The following KLHL24 variants were observed in gnomAD, a reference collection of about 807,000 sequenced individuals.
The protein encoded by KLHL24 is kelch like family member 24, also known as kelch-like protein 24.
KLHL24 carries 29 observed loss-of-function variants against 53.4 expected under a neutral mutation model. The observed-to-expected ratio is 0.54, with a 90% confidence interval of 0.40 to 0.74. The LOEUF is 0.74. Among genes scored for constraint, KLHL24 ranks in the 30% least tolerant of loss-of-function variants. The pLI, the probability that KLHL24 is intolerant of heterozygous loss-of-function variation, is 0.00. For synonymous variants in KLHL24, 222 were observed against 253.7 expected (o/e 0.88, Z 1.19); for missense variants, 504 against 744.0 (o/e 0.68, Z 3.75).
chr3:183,650,366 A>G lies in KLHL24; in HGVS notation c.10A>G (p.Ile4Val). ...GTCAACTGATGTAACAATGGTACTAATATTGGGACGCAGACTAAACAGAGA... is the reference window on the plus strand; with the variant it reads ...GTCAACTGATGTAACAATGGTACTAGTATTGGGACGCAGACTAAACAGAGA... Reference protein sequence around the residue: MVLILGRRLNREDL... With the variant: MVLVLGRRLNREDL... The change falls in exon 3 of 8, where the codon ATA becomes GTA. Residue 4 changes from isoleucine (I) to valine (V), a missense_variant. Coordinates refer to ENST00000242810, the MANE Select transcript of KLHL24 (RefSeq NM_017644.3). The surrounding 1 kb of genome is among the most constrained non-coding windows in gnomAD (Gnocchi z 4.5). The G allele has an allele frequency of 6.2e-7, 1 of 1,612,286 alleles. No homozygotes were observed. The highest frequency in any genetic ancestry group is 8.5e-7 in the Non-Finnish European group (1 of 1,178,614).
Position 183,651,127 on chromosome 3 carries a change from C to T in KLHL24, c.771C>T (p.Leu257=), listed in dbSNP as rs1333952682. 1 of 1,614,120 alleles carries T rather than the reference C, an allele frequency of 6.2e-7. No individual in the cohort carries two copies. Among genetic ancestry groups the T allele is most frequent in the South Asian group, 1.1e-5 (1 of 91,082 alleles). Residue 257 remains leucine, a synonymous_variant, in exon 3 of 8, where the codon CTC becomes CTT. Transcript: ENST00000242810. ...LLHELLTHVR[L]PLLHPNYFVQ... is the part of the protein sequence containing the mutation. ...ACGAGCTCCTGACACATGTGAGACT[C>T]CCTCTGTTGCATCCCAACTACTTTG...
At chr3:183,674,929 T>C (rs1711576422) in intron 7 of KLHL24, among the ~76,000 whole-genome samples, 1 of 152,178 alleles carries the variant, frequency 6.6e-6, no homozygotes, top group Admixed American at 6.6e-5. Flanking sequence ...ATTCTACTTA[T>C]CTTTCAAGGA....
At chr3:183,673,856 T>C (rs1422981366) in intron 7 of KLHL24, among the ~76,000 whole-genome samples, 1 of 152,238 alleles carries the variant, frequency 6.6e-6, no homozygotes, top group Non-Finnish European at 1.5e-5. Context: ...TCATCTCATT[T>C]ACTGCTCAGC....
Position 183,677,282 on chromosome 3 carries a change from C to T in KLHL24, c.1603-1804C>T, listed in dbSNP as rs76082476. 5.3e-5 allele frequency among the ~76,000 whole-genome samples: 8 copies of T among 152,080 alleles called. No homozygotes were observed. In the South Asian group the frequency reaches 1.7e-3, roughly 32 times the overall value. On this transcript the variant is annotated intron_variant, in intron 7 of 7. Coordinates refer to ENST00000242810, the MANE Select transcript of KLHL24 (RefSeq NM_017644.3). ...GTGGGAACTAGCTTGTACCTGAAAA[C>T]TAAGGTTTTTGTTTGTTTTTATTAT...
intron 2 of KLHL24, among the ~76,000 whole-genome samples, chr3:183,649,763 G>A (rs1190809887): frequency 6.6e-6 from 1 of 152,050 alleles, no homozygotes; most frequent in Non-Finnish European, 1.5e-5. Context: ...AGGCATGGTG[G>A]TACGCACACA....
intron 1 of KLHL24, among the ~76,000 whole-genome samples, chr3:183,640,892 G>A (rs969023137): frequency 1.3e-5 from 2 of 151,882 alleles, no homozygotes; most frequent in Non-Finnish European, 2.9e-5. Context: ...GAGCCACCTC[G>A]GCCAGCCAGT....
chr3:183,658,168 G>T (rs559593125), intron 3 of KLHL24, among the ~76,000 whole-genome samples: 1 of 148,824 alleles, frequency 6.7e-6, no homozygotes, highest in African/African-American at 2.5e-5. Flanking sequence ...AGCTGAGATC[G>T]CACCATTGCA....
intron 5 of KLHL24, 23 bp downstream of exon 5, chr3:183,665,062 A>G (rs1396756591): frequency 8.2e-7 from 1 of 1,217,286 alleles, no homozygotes; most frequent in South Asian, 1.2e-5. Flanking sequence ...ACTTTTTATT[A>G]CTATTGCTGG....
chr3:183,672,468 A>G lies in KLHL24; in HGVS notation c.1586A>G (p.Asn529Ser). 1 of 1,607,238 alleles carries G rather than the reference A, an allele frequency of 6.2e-7. No individual in the cohort carries two copies. Among genetic ancestry groups the G allele is most frequent in the Admixed American group, 1.7e-5 (1 of 58,910 alleles). The change falls in exon 7 of 8, where the codon AAT becomes AGT. Residue 529 changes from asparagine (N) to serine (S), a missense_variant. Coordinates refer to ENST00000242810, the MANE Select transcript of KLHL24 (RefSeq NM_017644.3). ...PVEDYWMHVQ[N>S]TFSRQENCGM... is the part of the protein sequence containing the mutation. The stretch of plus-strand genomic sequence containing the variant: ...GAAGATTACTGGATGCACGTACAGA[A>G]TACATTCAGCCGTCAGGTAATAACA...
chr3:183,638,168 A>G (rs1015780241), intron 1 of KLHL24, among the ~76,000 whole-genome samples: 3 of 152,366 alleles, frequency 2.0e-5, no homozygotes. Context: ...CAATCGTCTA[A>G]CCTTTTGAAA....
At chr3:183,672,192 G>C (rs577073976) in intron 6 of KLHL24, 104 bp from the exon 7 acceptor site, 4 of 550,270 alleles carry the variant, frequency 7.3e-6, no homozygotes, top group Non-Finnish European at 1.2e-5. Flanking sequence ...TGAATTAATA[G>C]GATTTTATTT....
At chr3:183,656,059 T>TTTTTTTTTTC (rs1178459038) in intron 3 of KLHL24, among the ~76,000 whole-genome samples, 19 of 135,732 alleles carry the variant, frequency 1.4e-4, no homozygotes, top group Non-Finnish European at 2.1e-4. Context: ...TTTTTTTTTT[T>TTTTTTTTTTC]TTTCTGAGAC....
intron 3 of KLHL24, among the ~76,000 whole-genome samples, chr3:183,655,259 C>T (rs1718683309): frequency 6.6e-6 from 1 of 152,154 alleles, no homozygotes; most frequent in Admixed American, 6.5e-5. Context: ...TGATAATCTG[C>T]CCTGCCAGTT....
chr3:183,654,520 GT>G (rs142607552), intron 3 of KLHL24, among the ~76,000 whole-genome samples: 2,610 of 151,104 alleles, frequency 0.017, 83 homozygotes, highest in African/African-American at 0.061. Context: ...TTTTATATAT[GT>G]TTTTTAGTTG....
At chr3:183,648,022 A>G (rs1229245344) in intron 2 of KLHL24, among the ~76,000 whole-genome samples, 1 of 152,190 alleles carries the variant, frequency 6.6e-6, no homozygotes, top group Non-Finnish European at 1.5e-5. Flanking sequence ...AAGCAAAAAC[A>G]AAAACAAAAA....
chr3:183,668,642 C>T (rs1478286581), intron 5 of KLHL24, among the ~76,000 whole-genome samples: 4 of 152,194 alleles, frequency 2.6e-5, no homozygotes, highest in African/African-American at 9.7e-5. Flanking sequence ...TGCGGTGGCT[C>T]ACGCCTGTAA....
At chr3:183,666,612 G>T (rs1720600457) in intron 5 of KLHL24, among the ~76,000 whole-genome samples, 1 of 151,984 alleles carries the variant, frequency 6.6e-6, no homozygotes, top group African/African-American at 2.4e-5. Context: ...TATATTCATT[G>T]AGCATCCCAA....
chr3:183,674,295 C>CTTTCTTTCTTTCTTTCTT, intron 7 of KLHL24, among the ~76,000 whole-genome samples: 2 of 147,720 alleles, frequency 1.4e-5, no homozygotes, highest in African/African-American at 2.5e-5. Context: ...TTCTTTCTTT[C>CTTTCTTTCTTTCTTTCTT]TTTCTTTCCT....
intron 3 of KLHL24, among the ~76,000 whole-genome samples, chr3:183,659,760 T>A (rs77124026): frequency 6.6e-6 from 1 of 152,056 alleles, no homozygotes; most frequent in African/African-American, 2.4e-5. Flanking sequence ...GTTGACATAT[T>A]ACAAGTTCAG....
Sources: gnomAD v4.1 joint callset for allele counts (sites outside exome capture counted in the v4.1 genomes callset) on GRCh38, gnomAD v4.1.1 for gene constraint, Gnocchi (gnomAD v3.1) non-coding constraint, MANE v1.5 for transcripts, NCBI Gene and HGNC (gene_info 2026-07-23, HGNC 2026-07-21) for gene names.